DSCAM: variants seen among roughly 807,000 people sequenced by gnomAD.
DSCAM encodes DS cell adhesion molecule.
DSCAM carries 47 observed loss-of-function variants against 217.7 expected under a neutral mutation model. The ratio of observed to expected loss-of-function variants is 0.22; its 90% CI spans 0.17 to 0.28. The LOEUF is 0.28. Ranked by LOEUF, DSCAM falls within the 10% of genes least tolerant of loss-of-function variation. The pLI is 1.00. For synonymous variants in DSCAM, 1,056 were observed against 1,015.3 expected, an observed-to-expected ratio of 1.04 and a Z score of -0.76; for missense variants, 2,080 against 2,618.3, an observed-to-expected ratio of 0.79 and a Z score of 4.49.
At chr21:40,038,972 T>A (rs967173069) in intron 32 of DSCAM, among the ~76,000 whole-genome samples, 1 of 130,056 alleles carries the variant, frequency 7.7e-6, no homozygotes, top group Non-Finnish European at 1.5e-5. Context: ...AACAATGAGA[T>A]CACATGGACA....
intron 3 of DSCAM, among the ~76,000 whole-genome samples, chr21:40,603,409 T>C (rs1054423201): frequency 6.6e-6 from 1 of 152,190 alleles, no homozygotes; most frequent in African/African-American, 2.4e-5. Flanking sequence ...CTCTGTTAAC[T>C]ACTGACAGAG....
chr21:40,117,196 T>C (rs906765369), intron 20 of DSCAM, among the ~76,000 whole-genome samples: 15 of 152,200 alleles, frequency 9.9e-5, no homozygotes, highest in Non-Finnish European at 4.4e-5. Flanking sequence ...CAATTTAACC[T>C]CTTTTAGATG....
At chr21:40,639,222 G>A (rs867785876) in intron 3 of DSCAM, among the ~76,000 whole-genome samples, 1 of 152,052 alleles carries the variant, frequency 6.6e-6, no homozygotes, top group Non-Finnish European at 1.5e-5. Context: ...ACACGGCACC[G>A]CTACTGTCTT....
intron 32 of DSCAM, among the ~76,000 whole-genome samples, 195 bp from the exon 33 acceptor site, chr21:40,013,581 C>T (rs567220971): frequency 1.1e-4 from 17 of 152,246 alleles, no homozygotes; most frequent in South Asian, 2.1e-4. Flanking sequence ...TCCCTGGGCG[C>T]GGGAGGAGCT....
intron 3 of DSCAM, among the ~76,000 whole-genome samples, chr21:40,504,366 C>T (rs1298609918): frequency 6.6e-6 from 1 of 151,098 alleles, no homozygotes; most frequent in African/African-American, 2.4e-5. Context: ...GCTGTCCCTG[C>T]CTTCCCTGTT....
intron 3 of DSCAM, among the ~76,000 whole-genome samples, chr21:40,476,994 T>C (rs2075942099): frequency 6.6e-6 from 1 of 152,198 alleles, no homozygotes; most frequent in South Asian, 2.1e-4. Flanking sequence ...AATAAGTATA[T>C]TTTATTGCAT....
chr21:40,555,277 T>C (rs942385615), intron 3 of DSCAM, among the ~76,000 whole-genome samples: 3 of 152,190 alleles, frequency 2.0e-5, no homozygotes, highest in Non-Finnish European at 2.9e-5. Context: ...ACACGTGATC[T>C]TGAGCATTTA....
intron 11 of DSCAM, among the ~76,000 whole-genome samples, chr21:40,259,431 A>G (rs1489277503): frequency 6.6e-6 from 1 of 152,082 alleles, no homozygotes; most frequent in Non-Finnish European, 1.5e-5. Context: ...CAAATACAGA[A>G]GCTAAGTAAT....
chr21:40,392,411 A>G (rs2075141992), intron 3 of DSCAM, among the ~76,000 whole-genome samples: 1 of 152,220 alleles, frequency 6.6e-6, no homozygotes, highest in African/African-American at 2.4e-5. Flanking sequence ...AATGATATGT[A>G]TTTTTTAAAT....
At chr21:40,606,066 G>A (rs1032333518) in intron 3 of DSCAM, among the ~76,000 whole-genome samples, 4 of 152,054 alleles carry the variant, frequency 2.6e-5, no homozygotes, top group Non-Finnish European at 4.4e-5. Flanking sequence ...CTCCCAAAGT[G>A]CTGGGATTAC....
At chr21:40,238,317 A>T (rs1019373321) in intron 11 of DSCAM, among the ~76,000 whole-genome samples, 3 of 152,168 alleles carry the variant, frequency 2.0e-5, no homozygotes, top group Non-Finnish European at 2.9e-5. Flanking sequence ...CATACTCAGG[A>T]TGTGGCACTC....
intron 8 of DSCAM, 71 bp from the exon 9 acceptor site, chr21:40,312,430 C>G (rs1035721258): frequency 6.5e-7 from 1 of 1,536,980 alleles, no homozygotes; most frequent in African/African-American, 1.4e-5. Flanking sequence ...ACCCTGTATA[C>G]GGCACTGAAA....
chr21:40,254,751 C>T (rs961185823), intron 11 of DSCAM, among the ~76,000 whole-genome samples: 4 of 152,100 alleles, frequency 2.6e-5, no homozygotes, highest in African/African-American at 7.2e-5. Context: ...CCCCCTATGG[C>T]GTTGATCCCA....
intron 3 of DSCAM, among the ~76,000 whole-genome samples, chr21:40,484,741 T>G (rs1417612475): frequency 6.6e-6 from 1 of 152,170 alleles, no homozygotes; most frequent in Non-Finnish European, 1.5e-5. Context: ...TTCCCCAAAG[T>G]GCTGCTGACA....
chr21:40,133,099 T>C (rs2090170288), intron 19 of DSCAM, among the ~76,000 whole-genome samples: 1 of 152,254 alleles, frequency 6.6e-6, no homozygotes, highest in Non-Finnish European at 1.5e-5. Context: ...CATCAGTTGC[T>C]CCTTCCTTTA....
chr21:40,183,494 G>A (rs115707537), intron 14 of DSCAM, among the ~76,000 whole-genome samples: 1 of 152,322 alleles, frequency 6.6e-6, no homozygotes, highest in African/African-American at 2.4e-5. Flanking sequence ...GATGATGACA[G>A]GAGATACAAT....
At chr21:40,239,436 C>T (rs1278431552) in intron 11 of DSCAM, among the ~76,000 whole-genome samples, 1 of 152,036 alleles carries the variant, frequency 6.6e-6, no homozygotes, top group African/African-American at 2.4e-5. Context: ...AATCACTTTA[C>T]TGTGCAAGAA....
At chr21:40,164,987 AT>A (rs1328908510) in intron 16 of DSCAM, among the ~76,000 whole-genome samples, 1 of 152,050 alleles carries the variant, frequency 6.6e-6, no homozygotes, top group Non-Finnish European at 1.5e-5. Context: ...CTAAATGGCT[AT>A]TTTCCCACCA....
intron 4 of DSCAM, among the ~76,000 whole-genome samples, chr21:40,357,738 C>A (rs1699273610): frequency 6.6e-6 from 1 of 151,820 alleles, no homozygotes; most frequent in Non-Finnish European, 1.5e-5. Context: ...GGAGAGATAG[C>A]ATTAGGAGAT....
Sources: allele counts gnomAD v4.1 joint callset (sites outside exome capture counted in the v4.1 genomes callset), GRCh38; gene constraint gnomAD v4.1.1; transcripts MANE v1.5; gene names NCBI Gene and HGNC (gene_info 2026-07-23, HGNC 2026-07-21).